ZFAND3: variants seen among roughly 807,000 people sequenced by gnomAD.
ZFAND3 encodes AN1-type zinc finger protein 3.
In ZFAND3, 10 loss-of-function variants were observed where a neutral mutation model predicts 29.6. The observed-to-expected ratio is 0.34, with a 90% confidence interval of 0.21 to 0.57. ZFAND3 has a LOEUF of 0.57. Among genes scored for constraint, ZFAND3 ranks in the 20% least tolerant of loss-of-function variants. The pLI, the probability that ZFAND3 is intolerant of heterozygous loss-of-function variation, is 0.86. For synonymous variants in ZFAND3, 128 were observed against 112.6 expected (o/e 1.14, Z -0.87); for missense variants, 230 against 304.5 (o/e 0.76, Z 1.82).
intron 2 of ZFAND3, among the ~76,000 whole-genome samples, chr6:37,965,104 A>G (rs1762266524): frequency 6.6e-6 from 1 of 152,238 alleles, no homozygotes; most frequent in Non-Finnish European, 1.5e-5. Context: ...GTAAAGTACA[A>G]TAAAAATAAC....
intron 2 of ZFAND3, among the ~76,000 whole-genome samples, chr6:37,935,778 G>C (rs1441910048): frequency 6.6e-6 from 1 of 152,146 alleles, no homozygotes; most frequent in Non-Finnish European, 1.5e-5. Flanking sequence ...GTAAAATAGG[G>C]AATATTTCAT....
chr6:37,845,559 A>G (rs1051009229), intron 1 of ZFAND3, among the ~76,000 whole-genome samples: 2 of 152,188 alleles, frequency 1.3e-5, no homozygotes, highest in African/African-American at 4.8e-5. Flanking sequence ...TCTTCCAAGA[A>G]CTAACTTGTT....
intron 2 of ZFAND3, among the ~76,000 whole-genome samples, chr6:37,942,110 C>T (rs949174890): frequency 1.3e-5 from 2 of 152,196 alleles, no homozygotes; most frequent in South Asian, 2.1e-4. Context: ...AGGGACCTGG[C>T]TTTGCCTTGC....
chr6:37,917,242 G>C (rs1025805236), intron 1 of ZFAND3, among the ~76,000 whole-genome samples: 1 of 152,162 alleles, frequency 6.6e-6, no homozygotes, highest in Admixed American at 6.5e-5. Context: ...ATCATTGTGT[G>C]ATCATAGATT....
intron 2 of ZFAND3, among the ~76,000 whole-genome samples, chr6:38,046,271 C>T (rs1235436088): frequency 6.6e-6 from 1 of 152,154 alleles, no homozygotes; most frequent in East Asian, 1.9e-4. Context: ...TGGGAGTTGT[C>T]GTCTACATAG....
chr6:38,133,244 T>C (rs1765776628), intron 5 of ZFAND3, among the ~76,000 whole-genome samples: 1 of 152,238 alleles, frequency 6.6e-6, no homozygotes, highest in Admixed American at 6.5e-5. Flanking sequence ...CTCCAGACCA[T>C]GAGCACTTAA....
At position 37,929,906 on chromosome 6, in the gene ZFAND3, G is replaced by A. The variant is rs1233407526; in HGVS notation, c.72-53G>A. 10 of 1,528,588 alleles carry A rather than the reference G, an allele frequency of 6.5e-6. No individual in the cohort carries two copies. In the Admixed American group the frequency reaches 1.2e-4, roughly 19 times the overall value. The allele number at this position is 1,528,588 out of a possible 1,614,324, so 94.7% of individuals were successfully genotyped here. ...TCTGACATCTTATGTTTTGATTAGA[G>A]TGATATGGAGTTTTTAGCTCTTCTT... On this transcript the variant is annotated intron_variant, in intron 1 of 5. Coordinates refer to ENST00000287218, the MANE Select transcript of ZFAND3 (RefSeq NM_021943.3).
chr6:38,130,725 T>TA (rs990971624), intron 5 of ZFAND3, among the ~76,000 whole-genome samples: 2 of 152,210 alleles, frequency 1.3e-5, no homozygotes, highest in African/African-American at 4.8e-5. Context: ...AGTATTTTGT[T>TA]AAGGATTTTA....
chr6:37,908,552 AAAAAAAAG>A (rs1315573228), intron 1 of ZFAND3, among the ~76,000 whole-genome samples: 9 of 113,762 alleles, frequency 7.9e-5, no homozygotes, highest in African/African-American at 3.0e-4. Flanking sequence ...TAAAAAAAAA[AAAAAAAAG>A]AAAAAAAAGA....
intron 1 of ZFAND3, among the ~76,000 whole-genome samples, chr6:37,828,943 C>T (rs1763809357): frequency 6.6e-6 from 1 of 152,060 alleles, no homozygotes; most frequent in Non-Finnish European, 1.5e-5. Flanking sequence ...AGCCACTATG[C>T]CCGGCCTGGA....
At chr6:38,103,620 TCTG>T (rs1317677922) in intron 4 of ZFAND3, among the ~76,000 whole-genome samples, 7 of 152,084 alleles carry the variant, frequency 4.6e-5, no homozygotes, top group African/African-American at 1.7e-4. Flanking sequence ...ATTTTGCTCT[TCTG>T]ATAAATACTG....
intron 3 of ZFAND3, among the ~76,000 whole-genome samples, chr6:38,063,142 C>T (rs923664157): frequency 6.6e-6 from 1 of 151,952 alleles, no homozygotes; most frequent in Non-Finnish European, 1.5e-5. Flanking sequence ...TCTAGAAACA[C>T]AGTAGGTTAG....
intron 4 of ZFAND3, among the ~76,000 whole-genome samples, chr6:38,089,113 A>G (rs1019797681): frequency 1.3e-5 from 2 of 150,360 alleles, no homozygotes; most frequent in African/African-American, 2.5e-5. Flanking sequence ...CCTTTTCTTG[A>G]CTCACTTCTT....
intron 2 of ZFAND3, among the ~76,000 whole-genome samples, chr6:38,045,627 T>G (rs1179758692): frequency 1.3e-5 from 2 of 152,206 alleles, no homozygotes; most frequent in Non-Finnish European, 2.9e-5. Flanking sequence ...ATCTCAAATG[T>G]TTATGAAATC....
At chr6:38,038,113 C>G (rs1449916896) in intron 2 of ZFAND3, among the ~76,000 whole-genome samples, 1 of 152,172 alleles carries the variant, frequency 6.6e-6, no homozygotes, top group Non-Finnish European at 1.5e-5. Context: ...TGCGGCCCAG[C>G]AAGTCAGTCT....
intron 1 of ZFAND3, among the ~76,000 whole-genome samples, chr6:37,902,284 A>T (rs1765332033): frequency 6.6e-6 from 1 of 152,104 alleles, no homozygotes; most frequent in Non-Finnish European, 1.5e-5. Context: ...CAAAAAATAC[A>T]AAATTATTGT....
At chr6:38,050,523 G>A (rs138026784) in intron 2 of ZFAND3, among the ~76,000 whole-genome samples, 31 of 152,242 alleles carry the variant, frequency 2.0e-4, no homozygotes, top group Middle Eastern at 3.4e-3. Flanking sequence ...GAGTTCCCAT[G>A]AGATCTGATG....
chr6:37,941,356 T>C (rs1160872966), intron 2 of ZFAND3, among the ~76,000 whole-genome samples: 1 of 152,220 alleles, frequency 6.6e-6, no homozygotes, highest in Non-Finnish European at 1.5e-5. Flanking sequence ...GTATTCTCTT[T>C]TCTTCTGCTC....
intron 2 of ZFAND3, among the ~76,000 whole-genome samples, chr6:38,036,378 C>G (rs1404583214): frequency 6.6e-6 from 1 of 152,116 alleles, no homozygotes; most frequent in Non-Finnish European, 1.5e-5. Context: ...ACAAGCAACA[C>G]CAGAACAGGG....
Sources: gnomAD v4.1 joint callset for allele counts (sites outside exome capture counted in the v4.1 genomes callset) on GRCh38, gnomAD v4.1.1 for gene constraint, MANE v1.5 for transcripts, NCBI Gene and HGNC (gene_info 2026-07-23, HGNC 2026-07-21) for gene names.